TENM3: variants seen among roughly 807,000 people sequenced by gnomAD.
TENM3 encodes the protein teneurin-3.
A neutral mutation model predicts 255.1 loss-of-function variants in TENM3; 63 were observed. That is an observed-to-expected ratio of 0.25 (90% CI 0.20 to 0.30). The LOEUF (loss-of-function observed/expected upper bound fraction) is 0.30, where lower values mean the gene tolerates loss of function less well. TENM3 is among the 10% of genes least tolerant of loss of function. The probability of loss-of-function intolerance (pLI) is 1.00; values close to 1 mark genes in which losing one functional copy is unlikely to be tolerated. For missense variants in TENM3, 2,929 were observed against 3,461.1 expected, an observed-to-expected ratio of 0.85 and a Z score of 3.86; for synonymous variants, 1,306 against 1,322.3, an observed-to-expected ratio of 0.99 and a Z score of 0.27.
At chr4:182,246,949 C>T (rs564447817) in intron 1 of TENM3, among the ~76,000 whole-genome samples, 1 of 152,204 alleles carries the variant, frequency 6.6e-6, no homozygotes, top group East Asian at 1.9e-4. Flanking sequence ...TGAGGTGGAT[C>T]ACGAGGGATG....
At chr4:182,745,500 G>C (rs774948785) in intron 19 of TENM3, among the ~76,000 whole-genome samples, 2 of 152,110 alleles carry the variant, frequency 1.3e-5, no homozygotes, top group South Asian at 4.1e-4. Flanking sequence ...TTTAACAAGC[G>C]GGCCTATTCC....
chr4:181,774,173 G>A, the TENM3 span, among the ~76,000 whole-genome samples: 16,691 of 70,518 alleles, frequency 0.24, 2,709 homozygotes, highest in Non-Finnish European at 0.33. Context: ...CCCCTCCCCC[G>A]ACCCCACCAC....
intron 3 of TENM3, among the ~76,000 whole-genome samples, chr4:182,590,607 C>T (rs1424962769): frequency 2.7e-5 from 4 of 148,404 alleles, no homozygotes; most frequent in Non-Finnish European, 5.9e-5. Flanking sequence ...CGCCTATAAT[C>T]CCAACACTTT....
At chr4:181,860,980 CAG>C in the TENM3 span, among the ~76,000 whole-genome samples, 137 of 152,138 alleles carry the variant, frequency 9.0e-4, 2 homozygotes, top group South Asian at 6.2e-4. Flanking sequence ...TTCTCACAAA[CAG>C]GGGTTGATAT....
chr4:182,100,600 C>CATATATACACACATAT, the TENM3 span, among the ~76,000 whole-genome samples: 1 of 22,148 alleles, frequency 4.5e-5, no homozygotes, highest in Non-Finnish European at 8.5e-5. Context: ...CATATATACA[C>CATATATACACACATAT]ATATATACAC....
the TENM3 span, among the ~76,000 whole-genome samples, chr4:181,953,220 C>T: frequency 2.6e-5 from 4 of 151,884 alleles, no homozygotes; most frequent in South Asian, 6.3e-4. Flanking sequence ...AGTGGATGCT[C>T]TTATTATTAT....
Position 182,303,366 on chromosome 4 carries a change from G to C in TENM3, c.-75-20580G>C, listed in dbSNP as rs116465642. ...CTGGTTGCTCCACTGGGCACTTGCA[G>C]ATTCAGAATTTTACCAAAGTCCCAC... On this transcript the variant is annotated intron_variant, in intron 1 of 27. Coordinates refer to ENST00000511685, the MANE Select transcript of TENM3 (RefSeq NM_001080477.4). 3.6e-3 allele frequency among the ~76,000 whole-genome samples: 543 copies of C among 152,280 alleles called. 4 individuals carry two copies. The highest frequency in any genetic ancestry group is 0.012 in the African/African-American group (510 of 41,560).
At chr4:182,520,439 C>T (rs557153143) in intron 3 of TENM3, among the ~76,000 whole-genome samples, 2 of 152,276 alleles carry the variant, frequency 1.3e-5, no homozygotes, top group South Asian at 4.2e-4. Flanking sequence ...GGTGTTTGGT[C>T]TCAACTTCAA....
chr4:182,319,090 G>GT (rs966203850), intron 1 of TENM3, among the ~76,000 whole-genome samples: 3 of 152,198 alleles, frequency 2.0e-5, no homozygotes, highest in Non-Finnish European at 2.9e-5. Context: ...TCTTTTGTTT[G>GT]TTTTTTTGTT....
At chr4:182,103,396 C>T in the TENM3 span, among the ~76,000 whole-genome samples, 1 of 152,176 alleles carries the variant, frequency 6.6e-6, no homozygotes, top group Non-Finnish European at 1.5e-5. Flanking sequence ...TTCAGAAAAA[C>T]AGAATTTTAC....
At chr4:181,810,612 A>G in the TENM3 span, among the ~76,000 whole-genome samples, 1 of 152,068 alleles carries the variant, frequency 6.6e-6, no homozygotes, top group African/African-American at 2.4e-5. Flanking sequence ...CCCTGTCCCT[A>G]AACACTACAG....
At chr4:182,099,834 G>A in the TENM3 span, among the ~76,000 whole-genome samples, 13 of 152,218 alleles carry the variant, frequency 8.5e-5, no homozygotes, top group Middle Eastern at 3.4e-3. Flanking sequence ...GTTCTAAGGC[G>A]GTAGAATCCA....
chr4:182,285,377 A>G (rs1003177403), intron 1 of TENM3, among the ~76,000 whole-genome samples: 5 of 152,096 alleles, frequency 3.3e-5, no homozygotes, highest in Admixed American at 3.3e-4. Flanking sequence ...TTTGTTTTGC[A>G]AAGAGCTAAG....
Position 182,180,112 on chromosome 4 carries a change from TA to T in TENM3, c.-76+35368del, listed in dbSNP as rs1051019992. Among the ~76,000 whole-genome samples, 20 of 144,020 alleles carry T rather than the reference TA, an allele frequency of 1.4e-4. No individual in the cohort carries two copies. In the South Asian group the frequency reaches 1.5e-3, roughly 11 times the overall value. 94.5% of individuals were successfully genotyped at this position (144,020 alleles called of 152,430 possible). On this transcript the variant is annotated intron_variant, in intron 1 of 2. Transcript: ENST00000512480. ...ATTTAAATAAAACCTACTTTCAGGG[TA>T]AAAAAAAAATCGAAGAGTTTTTTTT...
At chr4:181,822,879 G>GA in the TENM3 span, among the ~76,000 whole-genome samples, 2 of 152,126 alleles carry the variant, frequency 1.3e-5, no homozygotes, top group South Asian at 4.1e-4. Flanking sequence ...CAAAATTGTA[G>GA]AAAAAATATT....
At chr4:182,037,769 T>C in the TENM3 span, among the ~76,000 whole-genome samples, 2 of 152,178 alleles carry the variant, frequency 1.3e-5, no homozygotes, top group African/African-American at 2.4e-5. Flanking sequence ...GAAGGTAAAA[T>C]TGAAACTTGG....
intron 2 of TENM3, among the ~76,000 whole-genome samples, chr4:182,333,423 A>G (rs954157907): frequency 6.6e-6 from 1 of 152,202 alleles, no homozygotes; most frequent in Non-Finnish European, 1.5e-5. Flanking sequence ...ATATACAAGG[A>G]TTTTTCAGTG....
the TENM3 span, among the ~76,000 whole-genome samples, chr4:181,948,705 C>T: frequency 2.0e-5 from 3 of 152,082 alleles, no homozygotes; most frequent in South Asian, 4.1e-4. Context: ...TGTGAGCCAC[C>T]GCGCCTGGCC....
intron 1 of TENM3, among the ~76,000 whole-genome samples, chr4:182,288,738 C>T (rs1760911794): frequency 6.6e-6 from 1 of 152,188 alleles, no homozygotes; most frequent in Non-Finnish European, 1.5e-5. Context: ...CTGAAATTAG[C>T]TGCTGTGGAC....
Sources: gnomAD v4.1 joint callset for allele counts (sites outside exome capture counted in the v4.1 genomes callset) on GRCh38, gnomAD v4.1.1 for gene constraint, MANE v1.5 for transcripts, NCBI Gene and HGNC (gene_info 2026-07-23, HGNC 2026-07-21) for gene names.